The following LTBP2 variants were observed in gnomAD, a reference collection of about 807,000 sequenced individuals.
The protein encoded by LTBP2 is latent transforming growth factor beta binding protein 2, also known as latent-transforming growth factor beta-binding protein 2.
In LTBP2, 103 loss-of-function variants were observed where a neutral mutation model predicts 210.6. That is an observed-to-expected ratio of 0.49 (90% CI 0.42 to 0.58). The LOEUF (loss-of-function observed/expected upper bound fraction) is 0.58. Among genes scored for constraint, LTBP2 ranks in the 20% least tolerant of loss-of-function variants. The pLI is 0.00. For synonymous variants in LTBP2, 1,007 were observed against 1,015.0 expected (o/e 0.99, Z 0.15); for missense variants, 2,313 against 2,494.5 (o/e 0.93, Z 1.55).
intron 3 of LTBP2, among the ~76,000 whole-genome samples, chr14:74,580,318 T>G (rs762498655): frequency 1.3e-5 from 2 of 152,092 alleles, no homozygotes; most frequent in Non-Finnish European, 2.9e-5. Context: ...CGTTTGGAAA[T>G]AGAGTCTTTG....
At position 74,502,803 on chromosome 14, in the gene LTBP2, C is replaced by G; in HGVS notation, c.5020G>C (p.Ala1674Pro). The change falls in exon 34 of 36, where the codon GCC (alanine) becomes CCC (proline). Residue 1674 changes from alanine (A) to proline (P), a missense_variant. Ala to Pro is a conservative substitution (Grantham distance 27, BLOSUM62 -1). Transcript: ENST00000261978. ...GGGCCCAGGTAGTTGTAGAAGGGGG[C>G]CCCATCTGGGCCATAGATGCTGTAG... ...LHYSIYGPDG[A>P]PFYNYLGPED... 1 of 1,614,128 alleles carries G rather than the reference C, an allele frequency of 6.2e-7. No homozygotes were observed. Among genetic ancestry groups the G allele is most frequent in the East Asian group, 2.2e-5 (1 of 44,876 alleles).
chr14:74,528,928 G>T (rs1331143985), intron 11 of LTBP2, 30 bp downstream of exon 11: 1 of 1,608,108 alleles, frequency 6.2e-7, no homozygotes, highest in South Asian at 1.1e-5. Flanking sequence ...CCCCTGGGCA[G>T]TGAAAGCTGG....
At chr14:74,525,942 G>A in intron 14 of LTBP2, 133 bp downstream of exon 14, 5 of 972,334 alleles carry the variant, frequency 5.1e-6, no homozygotes, top group Non-Finnish European at 8.0e-6. Flanking sequence ...GCACTCACAG[G>A]CCACGTCCTT....
intron 27 of LTBP2, 41 bp from the exon 28 acceptor site, chr14:74,506,232 A>G: frequency 6.2e-7 from 1 of 1,613,862 alleles, no homozygotes; most frequent in Non-Finnish European, 8.5e-7. Context: ...GAAAAGAGGC[A>G]GCCCGTGCCC....
intron 2 of LTBP2, among the ~76,000 whole-genome samples, chr14:74,596,181 C>T (rs1345549619): frequency 6.6e-6 from 1 of 151,590 alleles, no homozygotes; most frequent in Non-Finnish European, 1.5e-5. Flanking sequence ...GCCGAGATTG[C>T]GCCACTGCAC....
At chr14:74,572,287 GTGTGTGTGTGTGTGTGTGTC>G (rs1337769807) in intron 3 of LTBP2, among the ~76,000 whole-genome samples, 6 of 110,766 alleles carry the variant, frequency 5.4e-5, no homozygotes, top group Non-Finnish European at 1.2e-4. Context: ...GAGGTGGGGT[GTGTGTGTGTGTGTGTGTGTC>G]TGTGTGTGTG....
rs904088789 is a variant in LTBP2, at chr14:74,611,718, T to C, written c.227A>G (p.Asp76Gly). 7 of 1,595,968 alleles carry C rather than the reference T, an allele frequency of 4.4e-6. No homozygotes were observed. Among genetic ancestry groups the C allele is most frequent in the Non-Finnish European group, 5.9e-6 (7 of 1,176,504 alleles). Residue 76 changes from aspartate to glycine, a missense_variant, in exon 1 of 36, where the codon GAC (aspartate) becomes GGC (glycine). Physicochemically the swap from Asp to Gly is moderately conservative, Grantham distance 94. Coordinates refer to ENST00000261978, the MANE Select transcript of LTBP2 (RefSeq NM_000428.3). ...AKVYSLFREQ[D>G]APVAGLQPVE... ...GGGCTGCAAGCCCGCGACAGGCGCG[T>C]CCTGCTCCCGGAACAGACTGTACAC...
intron 2 of LTBP2, among the ~76,000 whole-genome samples, chr14:74,592,210 C>T (rs910407560): frequency 5.9e-5 from 9 of 152,204 alleles, no homozygotes; most frequent in Admixed American, 2.0e-4. Flanking sequence ...TCTCCAGTGG[C>T]AGAGGCTATT....
chr14:74,512,351 T>C (rs862056), intron 18 of LTBP2, among the ~76,000 whole-genome samples: 97,014 of 152,140 alleles, frequency 0.64, 31,075 homozygotes, highest in East Asian at 0.74. Flanking sequence ...TTGTCATTCT[T>C]CTAGAGGAAG....
intron 2 of LTBP2, among the ~76,000 whole-genome samples, chr14:74,593,153 G>A (rs1595297678): frequency 3.3e-5 from 5 of 152,270 alleles, no homozygotes; most frequent in African/African-American, 1.2e-4. Context: ...CTCCACCCCA[G>A]AACAGTCAAC....
chr14:74,572,440 T>C (rs2087995533), intron 3 of LTBP2, among the ~76,000 whole-genome samples: 1 of 135,820 alleles, frequency 7.4e-6, no homozygotes, highest in South Asian at 2.3e-4. Flanking sequence ...TGTTTCAGAA[T>C]GCCTCCCTTT....
rs1184006238 is a variant in LTBP2, at chr14:74,586,119, C to T, written c.566-1G>A. 3 of 1,592,036 alleles carry T rather than the reference C, an allele frequency of 1.9e-6. No homozygotes were observed. Among genetic ancestry groups the T allele is most frequent in the Non-Finnish European group, 2.6e-6 (3 of 1,170,160 alleles). ...TTCTGGCACGGCGGCTCGCAAACGG[C>T]TGAGGACACAGGGAGAGAGGTGACA... is the stretch of plus-strand genomic sequence containing the variant. On this transcript the variant is annotated splice_acceptor_variant, in intron 2 of 35. Transcript: ENST00000261978. LOFTEE classifies it high-confidence loss of function. The surrounding 1 kb of genome is among the most constrained non-coding windows in gnomAD (Gnocchi z 4.6).
At chr14:74,608,564 G>A (rs2088559361) in intron 1 of LTBP2, among the ~76,000 whole-genome samples, 1 of 151,804 alleles carries the variant, frequency 6.6e-6, no homozygotes, top group African/African-American at 2.4e-5. Flanking sequence ...CAAAAAATTA[G>A]CCGGGTGTGG....
intron 2 of LTBP2, among the ~76,000 whole-genome samples, chr14:74,589,602 G>A (rs879296287): frequency 5.9e-5 from 9 of 152,144 alleles, no homozygotes; most frequent in Non-Finnish European, 1.0e-4. Context: ...TGCCACCACG[G>A]CAGGATTTTG....
At chr14:74,605,254 A>G (rs921788666) in intron 1 of LTBP2, among the ~76,000 whole-genome samples, 1 of 152,236 alleles carries the variant, frequency 6.6e-6, no homozygotes, top group Non-Finnish European at 1.5e-5. Context: ...AGTCTTACGA[A>G]GAATTCAAAA....
intron 17 of LTBP2, among the ~76,000 whole-genome samples, chr14:74,517,544 T>C (rs548968757): frequency 7.9e-5 from 12 of 152,242 alleles, no homozygotes; most frequent in East Asian, 7.7e-4. Flanking sequence ...CTAATTTTTT[T>C]GTATTTTTAG....
intron 16 of LTBP2, 105 bp from the exon 17 acceptor site, chr14:74,522,144 C>T: frequency 7.4e-7 from 1 of 1,356,604 alleles, no homozygotes; most frequent in Non-Finnish European, 1.0e-6. Context: ...GGGGATGGTG[C>T]TGTGTGGCAA....
intron 3 of LTBP2, among the ~76,000 whole-genome samples, chr14:74,560,933 G>A (rs2087785934): frequency 6.6e-6 from 1 of 152,072 alleles, no homozygotes; most frequent in Non-Finnish European, 1.5e-5. Context: ...CATGAATTTT[G>A]GTATTCACAG....
At chr14:74,525,092 G>T in intron 15 of LTBP2, 32 bp downstream of exon 15, 1 of 1,208,852 alleles carries the variant, frequency 8.3e-7, no homozygotes, top group Non-Finnish European at 1.1e-6. Context: ...AGGGCAGGGT[G>T]CAGGGAGCCC....
Sources: allele counts gnomAD v4.1 joint callset (sites outside exome capture counted in the v4.1 genomes callset), GRCh38; gene constraint gnomAD v4.1.1; non-coding constraint Gnocchi (gnomAD v3.1); transcripts MANE v1.5; gene names NCBI Gene and HGNC (gene_info 2026-07-23, HGNC 2026-07-21).